The following COL4A2 variants were observed in gnomAD, a reference collection of about 807,000 sequenced individuals.
The protein encoded by COL4A2 is collagen alpha-2(IV) chain.
COL4A2 carries 99 observed loss-of-function variants against 200.2 expected under a neutral mutation model. The ratio of observed to expected loss-of-function variants is 0.49; its 90% confidence interval spans 0.42 to 0.58. The LOEUF (loss-of-function observed/expected upper bound fraction) is 0.58, where lower values mean the gene tolerates loss of function less well. Among genes scored for constraint, COL4A2 ranks in the 20% least tolerant of loss-of-function variants. The pLI, the probability that COL4A2 is intolerant of heterozygous loss-of-function variation, is 0.00. For missense variants in COL4A2, 1,950 were observed against 2,314.1 expected (o/e 0.84, Z 3.23); for synonymous variants, 897 against 900.6 (o/e 1.00, Z 0.07).
intron 3 of COL4A2, among the ~76,000 whole-genome samples, chr13:110,339,451 G>A (rs1264828049): frequency 1.3e-5 from 2 of 152,180 alleles, no homozygotes; most frequent in Non-Finnish European, 2.9e-5. Context: ...CCTGACCTTG[G>A]AAGCCTGGCC....
chr13:110,488,452 G>A (rs959663942), intron 34 of COL4A2, among the ~76,000 whole-genome samples: 1 of 152,184 alleles, frequency 6.6e-6, no homozygotes, highest in Admixed American at 6.5e-5. Flanking sequence ...AAGCCACTCT[G>A]GAGGGGAAAA....
At chr13:110,316,543 T>C (rs1021859033) in intron 3 of COL4A2, among the ~76,000 whole-genome samples, 7 of 152,144 alleles carry the variant, frequency 4.6e-5, no homozygotes, top group Admixed American at 3.9e-4. Flanking sequence ...CCCTGGGAGA[T>C]TCTTTGTGGG....
At chr13:110,472,465 C>T (rs1451915612) in intron 28 of COL4A2, among the ~76,000 whole-genome samples, 2 of 152,060 alleles carry the variant, frequency 1.3e-5, no homozygotes, top group African/African-American at 2.4e-5. Context: ...CCGACAGTGA[C>T]GGGTTTCTAC....
chr13:110,432,722 C>CT (rs1478073805), intron 11 of COL4A2, among the ~76,000 whole-genome samples: 1 of 152,182 alleles, frequency 6.6e-6, no homozygotes, highest in Non-Finnish European at 1.5e-5. Flanking sequence ...AAATGTAACT[C>CT]TATCTGTTGT....
At chr13:110,404,082 C>A (rs112375544) in intron 4 of COL4A2, among the ~76,000 whole-genome samples, 53 of 152,296 alleles carry the variant, frequency 3.5e-4, no homozygotes, top group African/African-American at 1.2e-3. Context: ...AGAGTCCCCA[C>A]CTCTTAATGC....
chr13:110,413,750 C>G (rs1463532101), intron 4 of COL4A2, among the ~76,000 whole-genome samples: 1 of 152,210 alleles, frequency 6.6e-6, no homozygotes, highest in African/African-American at 2.4e-5. Flanking sequence ...CAGAGGCCCC[C>G]TTACCTTTGC....
intron 4 of COL4A2, among the ~76,000 whole-genome samples, chr13:110,408,557 C>G (rs910617724): frequency 6.6e-6 from 1 of 152,168 alleles, no homozygotes; most frequent in African/African-American, 2.4e-5. Flanking sequence ...ATCCAAAGTT[C>G]CAGACATGCA....
chr13:110,375,233 C>T (rs1258774880), intron 4 of COL4A2, among the ~76,000 whole-genome samples: 2 of 152,184 alleles, frequency 1.3e-5, no homozygotes, highest in Non-Finnish European at 2.9e-5. Context: ...AGCCATGTTC[C>T]CCTTTGCCGT....
chr13:110,361,366 G>T (rs1877504946), intron 4 of COL4A2, among the ~76,000 whole-genome samples: 1 of 152,212 alleles, frequency 6.6e-6, no homozygotes, highest in South Asian at 2.1e-4. Context: ...AAAGGGCTGT[G>T]TGCATAGTTT....
chr13:110,429,810 C>A lies in COL4A2; in HGVS notation c.478-75C>A, dbSNP rs3929758. ...ACAAAAGTCAATGTTCAGTCATCCACATTACCATAGCTGCACCGAATGTTA... is the reference window on the plus strand; with the variant it reads ...ACAAAAGTCAATGTTCAGTCATCCAAATTACCATAGCTGCACCGAATGTTA... On this transcript the variant is annotated intron_variant, in intron 7 of 47. Transcript: ENST00000360467. The A allele has an allele frequency of 0.73, 1,075,459 of 1,468,696 alleles. 394,946 individuals carry two copies. The highest frequency in any genetic ancestry group is 0.81 in the African/African-American group (58,207 of 71,924). 91.0% of individuals were successfully genotyped at this position (1,468,696 alleles called of 1,614,324 possible). A position where few individuals can be genotyped will look rare whatever the true frequency, so the allele number is the denominator to read the frequency against.
intron 20 of COL4A2, among the ~76,000 whole-genome samples, chr13:110,454,245 A>G (rs1881637277): frequency 1.3e-5 from 2 of 152,192 alleles, no homozygotes. Flanking sequence ...CTGCTATTCT[A>G]TAGGACTTAT....
At chr13:110,351,888 A>G (rs1057244810) in intron 3 of COL4A2, among the ~76,000 whole-genome samples, 2 of 152,188 alleles carry the variant, frequency 1.3e-5, no homozygotes, top group Non-Finnish European at 2.9e-5. Flanking sequence ...TTCCTGGCCA[A>G]TGCGCCTGGG....
At chr13:110,491,388 A>G in intron 37 of COL4A2, 48 bp downstream of exon 37, 1 of 1,295,542 alleles carries the variant, frequency 7.7e-7, no homozygotes, top group Non-Finnish European at 1.1e-6. Context: ...GGCCCTCCGG[A>G]GACCCCAGAA....
chr13:110,446,783 CTT>C lies in COL4A2; in HGVS notation c.1012-12_1012-11del, dbSNP rs771345741. On this transcript the variant is annotated splice_polypyrimidine_tract_variant and intron_variant, in intron 17 of 47. Transcript: ENST00000360467. Reference sequence around the variant, plus strand: ...GGCTATTCTCACATCCTGTTTTTCTCTTTTCTTTCTCTAGGGAGAAGCCGGAG... The same window carrying C: ...GGCTATTCTCACATCCTGTTTTTCTCTTCTTTCTCTAGGGAGAAGCCGGAG... 2 of 1,607,942 alleles carry C rather than the reference CTT, an allele frequency of 1.2e-6. No individual in the cohort carries two copies. Among genetic ancestry groups the C allele is most frequent in the Non-Finnish European group, 1.7e-6 (2 of 1,175,096 alleles).
At chr13:110,352,984 C>T (rs1402569400) in intron 3 of COL4A2, among the ~76,000 whole-genome samples, 1 of 152,136 alleles carries the variant, frequency 6.6e-6, no homozygotes, top group African/African-American at 2.4e-5. Context: ...TCAGTGGGGT[C>T]AGCAGCCAGG....
chr13:110,339,269 G>C lies in COL4A2; in HGVS notation c.100-18203G>C, dbSNP rs80150581. Among the ~76,000 whole-genome samples, 1,050 of 152,320 alleles carry C rather than the reference G, an allele frequency of 6.9e-3. 11 individuals carry two copies. Among genetic ancestry groups the C allele is most frequent in the African/African-American group, 0.024 (1,010 of 41,570 alleles). ...AGAGAAAAGAGGACTGAATTCTGAT[G>C]GACAGTAGGTGTGGGAGGGGCAGCA... On this transcript the variant is annotated intron_variant, in intron 3 of 47. Coordinates refer to ENST00000360467, the MANE Select transcript of COL4A2 (RefSeq NM_001846.4).
chr13:110,403,403 A>C (rs7321362), intron 4 of COL4A2, among the ~76,000 whole-genome samples: 1 of 151,968 alleles, frequency 6.6e-6, no homozygotes, highest in Non-Finnish European at 1.5e-5. Context: ...TCAGAAGTCT[A>C]CCTTCCACAA....
chr13:110,405,296 A>G (rs1177115832), intron 4 of COL4A2, among the ~76,000 whole-genome samples: 2 of 152,200 alleles, frequency 1.3e-5, no homozygotes, highest in African/African-American at 2.4e-5. Context: ...GGACTAACAC[A>G]AAAAAGATGC....
chr13:110,485,447 G>C (rs11839559), intron 33 of COL4A2, among the ~76,000 whole-genome samples: 3 of 149,526 alleles, frequency 2.0e-5, no homozygotes, highest in South Asian at 2.1e-4. Context: ...GGCGTGAACC[G>C]GGGAGGCAGA....
Sources: allele counts gnomAD v4.1 joint callset (sites outside exome capture counted in the v4.1 genomes callset), GRCh38; gene constraint gnomAD v4.1.1; transcripts MANE v1.5; gene names NCBI Gene and HGNC (gene_info 2026-07-23, HGNC 2026-07-21).